ZNF497: variants seen among roughly 807,000 people sequenced by gnomAD.
ZNF497 encodes zinc finger protein 497, also known as zinc finger-like protein.
For missense variants in ZNF497, 930 were observed against 714.0 expected, an observed-to-expected ratio of 1.30 and a Z score of -3.45; for synonymous variants, 422 against 313.7, an observed-to-expected ratio of 1.35 and a Z score of -3.65.
chr19:58,357,511 TC>T lies in ZNF497; in HGVS notation c.124del (p.Glu42LysfsTer146). The T allele has an allele frequency of 6.2e-7, 1 of 1,603,550 alleles. No homozygotes were observed. Among genetic ancestry groups the T allele is most frequent in the Non-Finnish European group, 8.5e-7 (1 of 1,175,514 alleles). ...CTCCCTCGGAACCTCCGTGGAGTTT[TC>T]CCAGGCCCCCCAGCCTCCAGACACA... Reference protein sequence around the residue: ...GAVSGGWGAWENSTEVPREAG... With the variant: ...GAVSGGWGAWXNSTEVPREAG... On this transcript the variant is annotated frameshift_variant, in exon 3 of 3. Transcript: ENST00000311044.
In ZNF497 at chr19:58,354,917, CAG is replaced by C. The variant is rs1448821454; in HGVS notation, c.*1220_*1221del. 5 of 152,360 alleles carry C rather than the reference CAG, an allele frequency of 3.3e-5. No individual in the cohort carries two copies. Among genetic ancestry groups the C allele is most frequent in the African/African-American group, 1.2e-4 (5 of 41,466 alleles). The allele number at this position is 152,360 out of a possible 1,614,324, so 9.4% of individuals were successfully genotyped here. Reference sequence around the variant, plus strand: ...TTGGCAATGAGGCTGCCCAGGCAGCCAGAGGCCTGGTCAAATCTGAGGTCTGC... The same window carrying C: ...TTGGCAATGAGGCTGCCCAGGCAGCCAGGCCTGGTCAAATCTGAGGTCTGC... On this transcript the variant is annotated 3_prime_UTR_variant, in exon 3 of 3. Transcript: ENST00000311044.
In ZNF497 at chr19:58,356,966, C is replaced by T. The variant is rs1275910863; in HGVS notation, c.670G>A (p.Gly224Ser). 1.2e-6 allele frequency: 2 copies of T among 1,607,166 alleles called. No individual in the cohort carries two copies. Among genetic ancestry groups the T allele is most frequent in the Non-Finnish European group, 8.5e-7 (1 of 1,178,358 alleles). ...TTGGAGTTCCAGCTGAAGGCCTTGC[C>T]GCACTCCGGGCACTCGTAGGGCTTC... ...GEKPYECPECGKAFSWNSNFL... is the reference protein window; with the variant it reads ...GEKPYECPECSKAFSWNSNFL... The change falls in exon 3 of 3, where the codon GGC (glycine) becomes AGC (serine). Residue 224 changes from glycine (G) to serine (S), a missense_variant. Coordinates refer to ENST00000311044, the MANE Select transcript of ZNF497 (RefSeq NM_198458.3).
Position 58,356,984 on chromosome 19 carries a change from A to G in ZNF497, c.652T>C (p.Tyr218His). The change falls in exon 3 of 3, where the codon TAC becomes CAC. Residue 218 changes from tyrosine to histidine, a missense_variant. By Grantham distance (83) the Tyr-to-His change is moderately conservative. Coordinates refer to ENST00000311044, the MANE Select transcript of ZNF497 (RefSeq NM_198458.3). ...HRRTHTGEKP[Y>H]ECPECGKAFS... ...GCCTTGCCGCACTCCGGGCACTCGT[A>G]GGGCTTCTCGCCCGTGTGCGTGCGT... The G allele has an allele frequency of 1.2e-6, 2 of 1,608,254 alleles. No homozygotes were observed. Among genetic ancestry groups the G allele is most frequent in the Non-Finnish European group, 1.7e-6 (2 of 1,178,692 alleles).
chr19:58,355,919 C>T lies in ZNF497; in HGVS notation c.*220G>A. 1 of 532,060 alleles carries T rather than the reference C, an allele frequency of 1.9e-6. No individual in the cohort carries two copies. The highest frequency in any genetic ancestry group is 3.2e-6 in the Non-Finnish European group (1 of 313,628). 33.0% of individuals were successfully genotyped at this position (532,060 alleles called of 1,614,324 possible). ...CCTGCCGCCCTCCCTGGGGTAAGAG[C>T]CCATCCTACATGTCCCCAGACAGGC... On this transcript the variant is annotated 3_prime_UTR_variant, in exon 3 of 3. Coordinates refer to ENST00000311044, the MANE Select transcript of ZNF497 (RefSeq NM_198458.3).
At chr19:58,358,130 C>G (rs1203605163) in intron 2 of ZNF497, 11 of 1,277,470 alleles carry the variant, frequency 8.6e-6, no homozygotes, top group Non-Finnish European at 1.0e-5. Context: ...CCACTCCACC[C>G]TGGCCGGATC....
At chr19:58,361,777 C>A (rs2052096769) in intron 1 of ZNF497, among the ~76,000 whole-genome samples, 1 of 152,134 alleles carries the variant, frequency 6.6e-6, no homozygotes, top group African/African-American at 2.4e-5. Context: ...TTTAAAAAAA[C>A]GACATCTGAT....
chr19:58,356,041 C>T lies in ZNF497; in HGVS notation c.*98G>A, dbSNP rs1011591090. ...ACTCCCAGCAGGAGGGCGCCCGCAC[C>T]GGCGGCCCGAAAAAGTCTGGGCCAG... On this transcript the variant is annotated 3_prime_UTR_variant, in exon 3 of 3. Coordinates refer to ENST00000311044, the MANE Select transcript of ZNF497 (RefSeq NM_198458.3). 6 of 1,369,428 alleles carry T rather than the reference C, an allele frequency of 4.4e-6. No homozygotes were observed. The South Asian group carries it at 4.6e-5, about 10-fold the overall frequency. 84.8% of individuals were successfully genotyped at this position (1,369,428 alleles called of 1,614,324 possible). A position where few individuals can be genotyped will look rare whatever the true frequency, so the allele number is the denominator to read the frequency against.
intron 1 of ZNF497, among the ~76,000 whole-genome samples, chr19:58,361,378 A>T (rs1436343060): frequency 6.6e-6 from 1 of 151,854 alleles, no homozygotes; most frequent in Non-Finnish European, 1.5e-5. Context: ...TTTTTTTGAG[A>T]CAGAGTCTCG....
At chr19:58,358,153 C>T (rs902690436) in intron 2 of ZNF497, 36 of 418,278 alleles carry the variant, frequency 8.6e-5, no homozygotes, top group Non-Finnish European at 1.1e-4. Context: ...TGGGTAGTCC[C>T]CTCCACACAG....
chr19:58,358,671 CCCTTCTCTGCA>C lies in ZNF497; in HGVS notation c.-111-97_-111-87del, dbSNP rs1042469122. ...AAGGGGCATGCGGTGGCATGACCCA[CCCTTCTCTGCA>C]CCTTCAGTTCTCAGGACACAATGCG... On this transcript the variant is annotated intron_variant, in intron 1 of 2. Coordinates refer to ENST00000311044, the MANE Select transcript of ZNF497 (RefSeq NM_198458.3). 4 of 585,280 alleles carry C rather than the reference CCCTTCTCTGCA, an allele frequency of 6.8e-6. No individual in the cohort carries two copies. In the African/African-American group the frequency reaches 7.6e-5, roughly 11 times the overall value. 36.3% of individuals were successfully genotyped at this position (585,280 alleles called of 1,614,324 possible).
chr19:58,354,554 A>T lies in ZNF497; in HGVS notation c.*1585T>A, dbSNP rs1361401086. 6.6e-6 allele frequency: 1 copy of T among 152,352 alleles called. No homozygotes were observed. Among genetic ancestry groups the T allele is most frequent in the African/African-American group, 2.4e-5 (1 of 41,464 alleles). 9.4% of individuals were successfully genotyped at this position (152,352 alleles called of 1,614,324 possible). A position where few individuals can be genotyped will look rare whatever the true frequency, so the allele number is the denominator to read the frequency against. On this transcript the variant is annotated 3_prime_UTR_variant, in exon 3 of 3. Coordinates refer to ENST00000311044, the MANE Select transcript of ZNF497 (RefSeq NM_198458.3). ...ATTGCAGAGCTCATAGACGTGATGA[A>T]GACCAGCTGGGCACTGCAGCGGCTC...
intron 1 of ZNF497, chr19:58,358,917 CA>C (rs1156378470): frequency 2.2e-6 from 1 of 455,286 alleles, no homozygotes; most frequent in Admixed American, 2.4e-5. Context: ...AGTCCTGGCC[CA>C]GCTGACTCCT....
chr19:58,357,831 G>T, intron 2 of ZNF497, 182 bp from the exon 3 acceptor site: 1 of 1,236,900 alleles, frequency 8.1e-7, no homozygotes, highest in Non-Finnish European at 1.1e-6. Flanking sequence ...GACACTCGGG[G>T]GATGGGCCAG....
At chr19:58,359,527 C>T (rs1276933192) in intron 1 of ZNF497, 1 of 452,922 alleles carries the variant, frequency 2.2e-6, no homozygotes. Flanking sequence ...CTTCCCCCCG[C>T]CTCCCCGCTT....
In ZNF497 at chr19:58,356,598, C is replaced by CAGGAAATTGGAGTTCCA. The variant is rs1402391828; in HGVS notation, c.1037_1038insTGGAACTCCAATTTCCT (p.Glu347GlyfsTer34). ...CGCCCGTGTGCACGCGCCGGTGCTCCGCCAGGTAGGAGCCCATGACGAAAG... is the reference window on the plus strand; with the variant it reads ...CGCCCGTGTGCACGCGCCGGTGCTCCAGGAAATTGGAGTTCCAGCCAGGTAGGAGCCCATGACGAAAG... On this transcript the variant is annotated frameshift_variant, in exon 3 of 3. Coordinates refer to ENST00000311044, the MANE Select transcript of ZNF497 (RefSeq NM_198458.3). LOFTEE classifies it low-confidence loss of function (END_TRUNC). 3 of 1,545,464 alleles carry CAGGAAATTGGAGTTCCA rather than the reference C, an allele frequency of 1.9e-6. No individual in the cohort carries two copies. Among genetic ancestry groups the CAGGAAATTGGAGTTCCA allele is most frequent in the Admixed American group, 1.9e-5 (1 of 51,508 alleles).
At position 58,356,366 on chromosome 19, in the gene ZNF497, G is replaced by T; in HGVS notation, c.1270C>A (p.Arg424Ser). Residue 424 changes from arginine (R) to serine (S), a missense_variant, in exon 3 of 3, where the codon CGC becomes AGC. Transcript: ENST00000311044. ...FACAECGKAF[R>S]GSSELRQHQR... ...TGCTGGCGCAGCTCGGAGCTGCCGC[G>T]GAAGGCCTTGCCGCATTCTGCGCAG... 6.4e-7 allele frequency: 1 copy of T among 1,564,826 alleles called. No homozygotes were observed.
chr19:58,356,357 A>G lies in ZNF497; in HGVS notation c.1279T>C (p.Ser427Pro). 1 of 1,566,440 alleles carries G rather than the reference A, an allele frequency of 6.4e-7. No homozygotes were observed. Among genetic ancestry groups the G allele is most frequent in the Non-Finnish European group, 8.6e-7 (1 of 1,159,312 alleles). The change falls in exon 3 of 3, where the codon TCC (serine) becomes CCC (proline). Residue 427 changes from serine (S) to proline (P), a missense_variant. By Grantham distance (74) the Ser-to-Pro change is moderately conservative (BLOSUM62 -1). Coordinates refer to ENST00000311044, the MANE Select transcript of ZNF497 (RefSeq NM_198458.3). ...AECGKAFRGS[S>P]ELRQHQRLHS... ...AGGCGCTGGTGCTGGCGCAGCTCGGAGCTGCCGCGGAAGGCCTTGCCGCAT... is the reference window on the plus strand; with the variant it reads ...AGGCGCTGGTGCTGGCGCAGCTCGGGGCTGCCGCGGAAGGCCTTGCCGCAT...
rs1280257073 is a variant in ZNF497, at chr19:58,357,179, G to A, written c.457C>T (p.Gln153Ter). The A allele has an allele frequency of 6.2e-7, 1 of 1,613,322 alleles. No individual in the cohort carries two copies. Among genetic ancestry groups the A allele is most frequent in the Non-Finnish European group, 8.5e-7 (1 of 1,179,834 alleles). Residue 153 changes from glutamine to a stop codon, truncating the protein, a stop_gained, in exon 3 of 3, where the codon CAG (glutamine) becomes TAG (stop). Coordinates refer to ENST00000311044, the MANE Select transcript of ZNF497 (RefSeq NM_198458.3). LOFTEE classifies it low-confidence loss of function (END_TRUNC). ...GGCTTCTCGCCGCTGTGGATGCGCTGGTGCTGGCTGAGGTTGGAGCTCCAG... is the reference window on the plus strand; with the variant it reads ...GGCTTCTCGCCGCTGTGGATGCGCTAGTGCTGGCTGAGGTTGGAGCTCCAG... ...FAWSSNLSQH[Q>*]RIHSGEKPYA...
At chr19:58,358,649 G>T in intron 1 of ZNF497, 64 bp from the exon 2 acceptor site, 1 of 884,092 alleles carries the variant, frequency 1.1e-6, no homozygotes, top group Non-Finnish European at 1.6e-6. Context: ...AGAAAACAAG[G>T]GGCATGCGGT....
Sources: allele counts gnomAD v4.1 joint callset (sites outside exome capture counted in the v4.1 genomes callset), GRCh38; gene constraint gnomAD v4.1.1; transcripts MANE v1.5; gene names NCBI Gene and HGNC (gene_info 2026-07-23, HGNC 2026-07-21).